MYO9B: variants seen among roughly 807,000 people sequenced by gnomAD.
MYO9B encodes the protein myosin IXB, also known as unconventional myosin-IXb.
In MYO9B, 71 loss-of-function variants were observed where a neutral mutation model predicts 229.5. The observed-to-expected ratio is 0.31, with a 90% CI of 0.26 to 0.38. The LOEUF is 0.38. Ranked by LOEUF, MYO9B falls within the 10% of genes least tolerant of loss-of-function variation. The probability of loss-of-function intolerance (pLI) is 1.00; values close to 1 mark genes in which losing one functional copy is unlikely to be tolerated. For synonymous variants in MYO9B, 1,185 were observed against 1,235.8 expected, an observed-to-expected ratio of 0.96 and a Z score of 0.86; for missense variants, 2,255 against 2,920.5, an observed-to-expected ratio of 0.77 and a Z score of 5.25.
At chr19:17,134,264 G>A (rs1016368171) in intron 2 of MYO9B, among the ~76,000 whole-genome samples, 1 of 151,284 alleles carries the variant, frequency 6.6e-6, no homozygotes, top group African/African-American at 2.4e-5. Flanking sequence ...AATTCTACAC[G>A]AGTGAGATCA....
Position 17,105,963 on chromosome 19 carries a change from ATCCCC to A in MYO9B, c.840+3420_840+3424del, listed in dbSNP as rs899983134. 1.6e-4 allele frequency among the ~76,000 whole-genome samples: 23 copies of A among 145,942 alleles called. No individual in the cohort carries two copies. The Middle Eastern group carries it at 0.017, about 111-fold the overall frequency. On this transcript the variant is annotated intron_variant, in intron 2 of 39. Transcript: ENST00000682292. ...GAATGTCCATTTTCTTTCCTTTCCCATCCCCTCCCCTCCCCTCCTCTCCCCTCCCC... is the reference window on the plus strand; with the variant it reads ...GAATGTCCATTTTCTTTCCTTTCCCATCCCCTCCCCTCCTCTCCCCTCCCC...
At position 17,213,061 on chromosome 19, in the gene MYO9B, C is replaced by T. The variant is rs1453803479; in HGVS notation, c.*751C>T. 6.6e-6 allele frequency: 1 copy of T among 152,352 alleles called. No homozygotes were observed. Among genetic ancestry groups the T allele is most frequent in the African/African-American group, 2.4e-5 (1 of 41,480 alleles). The allele number at this position is 152,352 out of a possible 1,614,324, so 9.4% of individuals were successfully genotyped here. A position where few individuals can be genotyped will look rare whatever the true frequency, so the allele number is the denominator to read the frequency against. On this transcript the variant is annotated 3_prime_UTR_variant, in exon 40 of 40. Coordinates refer to ENST00000682292, the MANE Select transcript of MYO9B (RefSeq NM_004145.4). ...GCAGGAGGCTGCTTTTGGCACTACC[C>T]ACCCCGTGTGACAGAATAGGAGCCA...
Position 17,172,242 on chromosome 19 carries a change from C to G in MYO9B, c.1794-94C>G. The G allele has an allele frequency of 6.7e-7, 1 of 1,500,714 alleles. No homozygotes were observed. Among genetic ancestry groups the G allele is most frequent in the Non-Finnish European group, 9.0e-7 (1 of 1,111,490 alleles). The allele number at this position is 1,500,714 out of a possible 1,614,324, so 93.0% of individuals were successfully genotyped here. ...CTGCTCTGCCCACCCCATGCACCCA[C>G]CCACCTCGTGCACCAGGGGTCTGCA... On this transcript the variant is annotated intron_variant, in intron 11 of 39. Transcript: ENST00000682292. The surrounding 1 kb of genome is among the most constrained non-coding windows in gnomAD (Gnocchi z 8.2).
chr19:17,210,192 G>A (rs1179707546), intron 36 of MYO9B, 141 bp from the exon 37 acceptor site: 1 of 775,300 alleles, frequency 1.3e-6, no homozygotes, highest in Admixed American at 2.9e-5. Context: ...CAGTGCAGGG[G>A]TGTGTTAGTG....
intron 30 of MYO9B, 102 bp from the exon 31 acceptor site, chr19:17,205,161 A>G (rs1362716380): frequency 4.9e-6 from 4 of 815,698 alleles, no homozygotes; most frequent in Admixed American, 2.8e-5. Flanking sequence ...AAAAAAAAAA[A>G]AAAAAGAAGG....
At chr19:17,191,459 C>T (rs575387306) in intron 20 of MYO9B, among the ~76,000 whole-genome samples, 10 of 152,296 alleles carry the variant, frequency 6.6e-5, no homozygotes, top group African/African-American at 2.4e-4. Flanking sequence ...TTATTGCTGC[C>T]TCACAGGTAG....
intron 1 of MYO9B, among the ~76,000 whole-genome samples, chr19:17,088,752 G>A (rs888653863): frequency 1.3e-5 from 2 of 152,114 alleles, no homozygotes; most frequent in Admixed American, 6.6e-5. Flanking sequence ...GTGCAGTGGC[G>A]CCATCACGGC....
chr19:17,206,726 G>A lies in MYO9B; in HGVS notation c.5434G>A (p.Glu1812Lys). The A allele has an allele frequency of 6.3e-7, 1 of 1,590,678 alleles. No individual in the cohort carries two copies. The change falls in exon 34 of 40, where the codon GAG becomes AAG. Residue 1812 changes from glutamate to lysine, a missense_variant. Glu to Lys is a moderately conservative substitution (Grantham distance 56, BLOSUM62 1). Transcript: ENST00000682292. ...GCTGGCTGCCATCTATGCCGTCCTGGAGCACCTTCCAGAAGCCAACCACAA... is the reference window on the plus strand; with the variant it reads ...GCTGGCTGCCATCTATGCCGTCCTGAAGCACCTTCCAGAAGCCAACCACAA... ...EQLAAIYAVLEHLPEANHNSL... is the reference protein window; with the variant it reads ...EQLAAIYAVLKHLPEANHNSL...
At chr19:17,099,815 TA>T (rs34945453) in intron 1 of MYO9B, among the ~76,000 whole-genome samples, 36,206 of 116,022 alleles carry the variant, frequency 0.31, 5,433 homozygotes, top group Non-Finnish European at 0.32. Context: ...GAGACTGTCT[TA>T]AAAAAAAAAA....
At chr19:17,129,056 AG>A (rs916661789) in intron 2 of MYO9B, among the ~76,000 whole-genome samples, 2 of 152,074 alleles carry the variant, frequency 1.3e-5, no homozygotes, top group Non-Finnish European at 2.9e-5. Flanking sequence ...TGGCCTGAGC[AG>A]GGGGGTGGAG....
At chr19:17,134,467 G>A (rs1008783376) in intron 2 of MYO9B, among the ~76,000 whole-genome samples, 1 of 125,566 alleles carries the variant, frequency 8.0e-6, no homozygotes, top group East Asian at 2.8e-4. Flanking sequence ...TCTCAGCTCA[G>A]TGCAACCTCT....
At chr19:17,147,417 G>A (rs1017683727) in intron 3 of MYO9B, among the ~76,000 whole-genome samples, 2 of 151,544 alleles carry the variant, frequency 1.3e-5, no homozygotes, top group African/African-American at 2.4e-5. Flanking sequence ...GATGGCAGGC[G>A]CCTGTAATCC....
chr19:17,130,136 G>A (rs2072176156), intron 2 of MYO9B, among the ~76,000 whole-genome samples: 1 of 152,042 alleles, frequency 6.6e-6, no homozygotes, highest in South Asian at 2.1e-4. Flanking sequence ...AATGTTACCA[G>A]GCATTCCAAC....
intron 2 of MYO9B, among the ~76,000 whole-genome samples, chr19:17,135,707 A>G (rs992120143): frequency 6.6e-6 from 1 of 152,070 alleles, no homozygotes; most frequent in Non-Finnish European, 1.5e-5. Flanking sequence ...TGCACGGGGT[A>G]ATCGGGTAAT....
At chr19:17,090,660 A>G (rs1019451439) in intron 1 of MYO9B, among the ~76,000 whole-genome samples, 3 of 152,048 alleles carry the variant, frequency 2.0e-5, no homozygotes, top group Non-Finnish European at 2.9e-5. Context: ...TGGAGGATGT[A>G]TTTTGCTTCC....
At chr19:17,129,577 G>A (rs1471385205) in intron 2 of MYO9B, among the ~76,000 whole-genome samples, 2 of 152,180 alleles carry the variant, frequency 1.3e-5, no homozygotes, top group African/African-American at 4.8e-5. Context: ...GGGGAGCCAC[G>A]GACGCGTCAG....
chr19:17,117,412 A>C (rs1298842651), intron 2 of MYO9B, among the ~76,000 whole-genome samples: 1 of 152,074 alleles, frequency 6.6e-6, no homozygotes, highest in Non-Finnish European at 1.5e-5. Flanking sequence ...CGAGAACCCC[A>C]TTCCCGGGAG....
At chr19:17,116,716 C>T (rs2057907646) in intron 2 of MYO9B, among the ~76,000 whole-genome samples, 3 of 152,104 alleles carry the variant, frequency 2.0e-5, no homozygotes, top group South Asian at 4.1e-4. Flanking sequence ...GCAGAGAGGC[C>T]GCTCCAAGCT....
At chr19:17,161,974 T>G (rs1599381448) in intron 8 of MYO9B, among the ~76,000 whole-genome samples, 3 of 123,234 alleles carry the variant, frequency 2.4e-5, no homozygotes, top group African/African-American at 9.3e-5. Flanking sequence ...GATAACAGAG[T>G]GAGACCCTGT....
Sources: gnomAD v4.1 joint callset for allele counts (sites outside exome capture counted in the v4.1 genomes callset) on GRCh38, gnomAD v4.1.1 for gene constraint, Gnocchi (gnomAD v3.1) non-coding constraint, MANE v1.5 for transcripts, NCBI Gene and HGNC (gene_info 2026-07-23, HGNC 2026-07-21) for gene names.